HDAC4: variants seen among roughly 807,000 people sequenced by gnomAD.
The protein encoded by HDAC4 is histone deacetylase A.
Under a neutral mutation model 135.1 loss-of-function variants are expected in HDAC4, and 16 were observed. The observed-to-expected ratio is 0.12, with a 90% CI of 0.08 to 0.18. The LOEUF (loss-of-function observed/expected upper bound fraction) is 0.18. Among genes scored for constraint, HDAC4 ranks in the 10% least tolerant of loss-of-function variants. HDAC4 has a pLI of 1.00. For missense variants in HDAC4, 1,143 were observed against 1,511.8 expected (o/e 0.76, Z 4.05); for synonymous variants, 685 against 653.4 (o/e 1.05, Z -0.74).
intron 2 of HDAC4, among the ~76,000 whole-genome samples, chr2:239,263,424 T>A (rs2049507346): frequency 6.6e-6 from 1 of 150,878 alleles, no homozygotes; most frequent in African/African-American, 2.4e-5. Flanking sequence ...GGTGAACAGC[T>A]TCCCCCTCGG....
intron 16 of HDAC4, among the ~76,000 whole-genome samples, chr2:239,099,402 C>T (rs987448945): frequency 6.6e-6 from 1 of 152,236 alleles, no homozygotes; most frequent in South Asian, 2.1e-4. Flanking sequence ...CCTGCTGAAG[C>T]CCCTGCTGTG....
intron 2 of HDAC4, among the ~76,000 whole-genome samples, chr2:239,260,145 G>A (rs1299978532): frequency 6.6e-6 from 1 of 152,232 alleles, no homozygotes; most frequent in African/African-American, 2.4e-5. Context: ...AGGTTGGGGT[G>A]TCCCATCCAA....
intron 12 of HDAC4, among the ~76,000 whole-genome samples, chr2:239,122,296 T>TG (rs2039762061): frequency 6.6e-6 from 1 of 152,194 alleles, no homozygotes; most frequent in African/African-American, 2.4e-5. Context: ...GGCTTCTTGC[T>TG]GTAGGGGTGG....
intron 3 of HDAC4, among the ~76,000 whole-genome samples, chr2:239,192,617 C>T (rs571906571): frequency 2.0e-5 from 3 of 152,288 alleles, no homozygotes; most frequent in South Asian, 2.1e-4. Context: ...CTCACAAGCA[C>T]GGCGGTGCTA....
rs750245376 is a variant in HDAC4, at chr2:239,058,908, C to G, written c.3004-4075G>C. ...AACTCTGGGAAACAGACGGAGAGGA[C>G]ACATTATCCCAAACACATGTGGAAT... On this transcript the variant is annotated intron_variant, in intron 24 of 26. Coordinates refer to ENST00000543185, the MANE Select transcript of HDAC4 (RefSeq NM_001378414.1). Among the ~76,000 whole-genome samples the G allele has an allele frequency of 5.9e-5, 9 of 152,282 alleles. No homozygotes were observed. In the South Asian group the frequency reaches 6.2e-4, roughly 11 times the overall value.
At chr2:239,057,754 A>T (rs2032095929) in intron 24 of HDAC4, among the ~76,000 whole-genome samples, 1 of 152,228 alleles carries the variant, frequency 6.6e-6, no homozygotes, top group African/African-American at 2.4e-5. Flanking sequence ...TTCCCAAGGG[A>T]CACTCTAGTG....
At chr2:239,163,385 C>T (rs1456876051) in intron 6 of HDAC4, among the ~76,000 whole-genome samples, 2 of 152,228 alleles carry the variant, frequency 1.3e-5, no homozygotes, top group South Asian at 2.1e-4. Flanking sequence ...GAGCACTGCT[C>T]GGTCCCTCTG....
chr2:239,370,978 A>G (rs1184276891), intron 1 of HDAC4, among the ~76,000 whole-genome samples: 1 of 142,538 alleles, frequency 7.0e-6, no homozygotes, highest in East Asian at 2.0e-4. Context: ...CTTTGGAGCC[A>G]CTGATGTGCA....
At position 239,168,111 on chromosome 2, in the gene HDAC4, C is replaced by T. The variant is rs543514062; in HGVS notation, c.491-4188G>A. ...GAAAGTGCTCCTTTTTCTCTCCACC[C>T]CCTTGCCTCTGAGGAAGGCACAACT... On this transcript the variant is annotated intron_variant, in intron 5 of 26. Coordinates refer to ENST00000543185, the MANE Select transcript of HDAC4 (RefSeq NM_001378414.1). Among the ~76,000 whole-genome samples, 11 of 152,312 alleles carry T rather than the reference C, an allele frequency of 7.2e-5. No individual in the cohort carries two copies. In the South Asian group the frequency reaches 2.1e-3, roughly 29 times the overall value.
Position 239,262,999 on chromosome 2 carries a change from T to G in HDAC4, c.23-26335A>C, listed in dbSNP as rs953268906. Among the ~76,000 whole-genome samples the G allele has an allele frequency of 1.3e-5, 2 of 151,722 alleles. No individual in the cohort carries two copies. The highest frequency in any genetic ancestry group is 3.9e-4 in the East Asian group (2 of 5,138). The stretch of plus-strand genomic sequence containing the variant: ...GAAGCCAAGCCCCAGGAAGGGCCCA[T>G]TATGCCGATGAAGACACGAGAGAAT... On this transcript the variant is annotated intron_variant, in intron 2 of 26. Transcript: ENST00000543185. This position sits in a 1 kb window ranked among gnomAD's most constrained non-coding sequence, Gnocchi z 4.1.
intron 4 of HDAC4, among the ~76,000 whole-genome samples, chr2:239,183,752 G>T (rs937031887): frequency 2.0e-5 from 3 of 152,182 alleles, no homozygotes; most frequent in Non-Finnish European, 4.4e-5. Flanking sequence ...CAGAGCCCTG[G>T]ATCAGGCATT....
intron 2 of HDAC4, among the ~76,000 whole-genome samples, chr2:239,337,366 G>T (rs754949983): frequency 6.6e-6 from 1 of 152,074 alleles, no homozygotes; most frequent in Non-Finnish European, 1.5e-5. Flanking sequence ...GCCACTAACC[G>T]GTGGGGACTC....
chr2:239,264,546 G>C (rs1464284619), intron 2 of HDAC4, among the ~76,000 whole-genome samples: 2 of 152,262 alleles, frequency 1.3e-5, no homozygotes, highest in Admixed American at 1.3e-4. Flanking sequence ...AGAGGGAGAT[G>C]GCTTGGGTGA....
chr2:239,161,338 T>C (rs1378247693), intron 6 of HDAC4, among the ~76,000 whole-genome samples: 3 of 152,318 alleles, frequency 2.0e-5, no homozygotes, highest in African/African-American at 4.8e-5. Context: ...GCCGATGATT[T>C]TGGCGACCTA....
intron 19 of HDAC4, among the ~76,000 whole-genome samples, chr2:239,086,987 G>A (rs986887804): frequency 6.6e-6 from 1 of 152,186 alleles, no homozygotes; most frequent in Non-Finnish European, 1.5e-5. Context: ...CTGCGGGTCT[G>A]TCCTGCCACT....
chr2:239,108,775 A>G (rs1021027339), intron 14 of HDAC4, among the ~76,000 whole-genome samples: 2 of 152,202 alleles, frequency 1.3e-5, no homozygotes, highest in African/African-American at 4.8e-5. Context: ...CCATGTACAC[A>G]GGTCTACTTA....
At chr2:239,358,205 A>C (rs543737246) in intron 1 of HDAC4, among the ~76,000 whole-genome samples, 1 of 152,304 alleles carries the variant, frequency 6.6e-6, no homozygotes, top group South Asian at 2.1e-4. Context: ...TTCCAAGGCA[A>C]GGATGAGCTT....
At chr2:239,329,176 C>T (rs766144946) in intron 2 of HDAC4, among the ~76,000 whole-genome samples, 1 of 151,954 alleles carries the variant, frequency 6.6e-6, no homozygotes, top group Non-Finnish European at 1.5e-5. Flanking sequence ...CCCCACCAGC[C>T]GATCCTGGGC....
chr2:239,074,966 G>A lies in HDAC4; in HGVS notation c.2750+6129C>T, dbSNP rs146924578. Among the ~76,000 whole-genome samples the A allele has an allele frequency of 1.8e-3, 275 of 152,298 alleles. 2 individuals are homozygous for A. Among genetic ancestry groups the A allele is most frequent in the African/African-American group, 6.3e-3 (261 of 41,554 alleles). On this transcript the variant is annotated intron_variant, in intron 22 of 26. Coordinates refer to ENST00000543185, the MANE Select transcript of HDAC4 (RefSeq NM_001378414.1). ...CGGCCGGGCACGGTGGCTCACACAT[G>A]TAATCCCAGCACTTTGGGAGGCCGA...
Sources: allele counts gnomAD v4.1 joint callset (sites outside exome capture counted in the v4.1 genomes callset), GRCh38; gene constraint gnomAD v4.1.1; non-coding constraint Gnocchi (gnomAD v3.1); transcripts MANE v1.5; gene names NCBI Gene and HGNC (gene_info 2026-07-23, HGNC 2026-07-21).